The following SCFD2 variants were observed in gnomAD, a reference collection of about 807,000 sequenced individuals.
SCFD2 encodes the protein sec1 family domain-containing protein 2.
Under a neutral mutation model 58.9 loss-of-function variants are expected in SCFD2, and 54 were observed. That is an observed-to-expected ratio of 0.92 (90% CI 0.74 to 1.15). SCFD2 has a LOEUF of 1.15. Among genes scored for constraint, SCFD2 ranks in the 50% most tolerant of loss-of-function variants. The probability of loss-of-function intolerance (pLI) is 0.00; values close to 1 mark genes in which losing one functional copy is unlikely to be tolerated. For synonymous variants in SCFD2, 321 were observed against 335.9 expected (o/e 0.96, Z 0.49); for missense variants, 805 against 836.6 (o/e 0.96, Z 0.47).
chr4:52,990,380 G>C (rs1721590550), intron 5 of SCFD2, among the ~76,000 whole-genome samples: 1 of 152,134 alleles, frequency 6.6e-6, no homozygotes, highest in African/African-American at 2.4e-5. Context: ...TTTACAATGT[G>C]TCAGCCTTTC....
chr4:53,052,310 C>T (rs1282573060), intron 5 of SCFD2, among the ~76,000 whole-genome samples: 1 of 152,166 alleles, frequency 6.6e-6, no homozygotes, highest in Non-Finnish European at 1.5e-5. Flanking sequence ...AATTCCTGCT[C>T]ATCTTTCAGT....
chr4:53,134,783 T>C (rs1332776673), intron 5 of SCFD2, among the ~76,000 whole-genome samples: 1 of 152,222 alleles, frequency 6.6e-6, no homozygotes, highest in Non-Finnish European at 1.5e-5. Context: ...TAGAGCTCAA[T>C]TAGTGCAATT....
In SCFD2 at chr4:53,260,485, T is replaced by A. The variant is rs143754193; in HGVS notation, c.1311+13341A>T. Among the ~76,000 whole-genome samples, 1,354 of 152,328 alleles carry A rather than the reference T, an allele frequency of 8.9e-3. 13 individuals carry two copies. The highest frequency in any genetic ancestry group is 0.048 in the Middle Eastern group (14 of 294). ...GCTTTTTCTGCATCTACTGAGATGA[T>A]CATGTGATTTTTGTTTTTAATTCTG... On this transcript the variant is annotated intron_variant, in intron 4 of 8. Transcript: ENST00000401642.
chr4:52,998,398 A>C (rs1222622916), intron 5 of SCFD2, among the ~76,000 whole-genome samples: 1 of 152,256 alleles, frequency 6.6e-6, no homozygotes, highest in Non-Finnish European at 1.5e-5. Context: ...AGTGCTTTGC[A>C]TCCTGAGAAA....
intron 4 of SCFD2, among the ~76,000 whole-genome samples, chr4:53,217,657 C>T (rs1490235967): frequency 5.9e-5 from 9 of 152,046 alleles, no homozygotes; most frequent in African/African-American, 2.2e-4. Flanking sequence ...AGGTTAATAT[C>T]GTTATGTGTG....
At chr4:53,054,629 GAA>G (rs554953513) in intron 5 of SCFD2, among the ~76,000 whole-genome samples, 1 of 136,756 alleles carries the variant, frequency 7.3e-6, no homozygotes, top group Middle Eastern at 3.3e-3. Flanking sequence ...GATTAGCTTA[GAA>G]AAAAAAAAAA....
intron 5 of SCFD2, among the ~76,000 whole-genome samples, chr4:53,008,844 T>A (rs1180921765): frequency 1.3e-5 from 2 of 152,186 alleles, no homozygotes; most frequent in Non-Finnish European, 2.9e-5. Flanking sequence ...TACTTTCCAA[T>A]TGTCTATAAT....
chr4:53,251,363 A>G (rs1730371488), intron 4 of SCFD2, among the ~76,000 whole-genome samples: 1 of 152,162 alleles, frequency 6.6e-6, no homozygotes, highest in Non-Finnish European at 1.5e-5. Context: ...AAAAGAGGGA[A>G]TCCTCCCTAA....
At chr4:53,350,820 G>A (rs755317941) in intron 2 of SCFD2, among the ~76,000 whole-genome samples, 7 of 152,034 alleles carry the variant, frequency 4.6e-5, no homozygotes, top group South Asian at 2.1e-4. Flanking sequence ...AGATACTCTC[G>A]TGCCTCAGCC....
intron 5 of SCFD2, among the ~76,000 whole-genome samples, chr4:53,129,771 T>C (rs1483451688): frequency 3.3e-5 from 5 of 152,232 alleles, no homozygotes; most frequent in Non-Finnish European, 2.9e-5. Flanking sequence ...CTTTCCAATG[T>C]TAGTTTTAAT....
At chr4:52,875,340 C>G (rs150354348) in intron 8 of SCFD2, among the ~76,000 whole-genome samples, 5 of 152,044 alleles carry the variant, frequency 3.3e-5, no homozygotes, top group African/African-American at 1.2e-4. Flanking sequence ...GGGCTGGGGG[C>G]GTGATGTGCT....
intron 4 of SCFD2, among the ~76,000 whole-genome samples, chr4:53,270,157 G>A (rs1203623973): frequency 6.6e-6 from 1 of 152,184 alleles, no homozygotes; most frequent in Non-Finnish European, 1.5e-5. Flanking sequence ...GAGTATATGT[G>A]TGTGTGGGAA....
intron 5 of SCFD2, among the ~76,000 whole-genome samples, chr4:52,923,403 G>T (rs551789287): frequency 2.0e-5 from 3 of 151,928 alleles, no homozygotes; most frequent in South Asian, 2.1e-4. Flanking sequence ...GCTTGAGCCC[G>T]GGAGTTGGAG....
At chr4:53,233,308 A>G (rs1312745085) in intron 4 of SCFD2, among the ~76,000 whole-genome samples, 1 of 152,210 alleles carries the variant, frequency 6.6e-6, no homozygotes, top group Non-Finnish European at 1.5e-5. Context: ...CAGTTAGTGT[A>G]GGGAAGCACA....
At chr4:53,244,068 A>G (rs1159157083) in intron 4 of SCFD2, among the ~76,000 whole-genome samples, 2 of 152,170 alleles carry the variant, frequency 1.3e-5, no homozygotes, top group Admixed American at 1.3e-4. Flanking sequence ...TGCACCTAAC[A>G]CAGGAGCATC....
At chr4:53,265,319 T>C (rs1730951089) in intron 4 of SCFD2, 1 of 152,200 alleles carries the variant, frequency 6.6e-6, no homozygotes, top group African/African-American at 2.4e-5. Flanking sequence ...CAATGAGGAT[T>C]ATGTTTATTA....
intron 5 of SCFD2, among the ~76,000 whole-genome samples, chr4:52,993,405 T>TA (rs1325623074): frequency 1.4e-5 from 1 of 70,802 alleles, no homozygotes; most frequent in Non-Finnish European, 3.8e-5. Flanking sequence ...ACTAAAAAAA[T>TA]AAAAAAATAA....
intron 3 of SCFD2, among the ~76,000 whole-genome samples, chr4:53,303,156 G>C (rs1460077408): frequency 1.3e-5 from 2 of 152,160 alleles, no homozygotes; most frequent in African/African-American, 4.8e-5. Context: ...CCATCAGAGT[G>C]AACAGGCAAC....
Position 53,255,149 on chromosome 4 carries a change from G to A in SCFD2, c.1311+18677C>T, listed in dbSNP as rs564501804. ...GCCTCCCAAAGTGCTGGGATTACAG[G>A]TGTGAGCCACTGCACCCAGCAAATA... On this transcript the variant is annotated intron_variant, in intron 4 of 8. Coordinates refer to ENST00000401642, the MANE Select transcript of SCFD2 (RefSeq NM_152540.4). Among the ~76,000 whole-genome samples the A allele has an allele frequency of 2.3e-3, 352 of 151,144 alleles. 1 individual carries two copies. The highest frequency in any genetic ancestry group is 8.4e-3 in the African/African-American group (346 of 41,416).
Sources: gnomAD v4.1 joint callset for allele counts (sites outside exome capture counted in the v4.1 genomes callset) on GRCh38, gnomAD v4.1.1 for gene constraint, MANE v1.5 for transcripts, NCBI Gene and HGNC (gene_info 2026-07-23, HGNC 2026-07-21) for gene names.